Variants in RALGAPA1 observed in about 807,000 individuals in gnomAD.
The protein encoded by RALGAPA1 is ral GTPase-activating protein subunit alpha-1.
In RALGAPA1, 52 loss-of-function variants were observed where a neutral mutation model predicts 269.6. The ratio of observed to expected loss-of-function variants is 0.19; its 90% CI spans 0.15 to 0.24. The LOEUF is 0.24. Ranked by LOEUF, RALGAPA1 falls within the 10% of genes least tolerant of loss-of-function variation. The pLI is 1.00. For synonymous variants in RALGAPA1, 817 were observed against 1,008.3 expected, an observed-to-expected ratio of 0.81 and a Z score of 3.60; for missense variants, 1,917 against 3,013.9, an observed-to-expected ratio of 0.64 and a Z score of 8.52.
At chr14:35,620,542 T>C (rs1246063685) in intron 35 of RALGAPA1, among the ~76,000 whole-genome samples, 3 of 152,000 alleles carry the variant, frequency 2.0e-5, no homozygotes, top group Non-Finnish European at 2.9e-5. Context: ...AAATAAAGGG[T>C]ATTCAATTAG....
Position 35,539,333 on chromosome 14 carries a change from G to T in RALGAPA1, c.*381C>A, listed in dbSNP as rs1414112917. ...CCCTGCCCTCAAAATATGGCAGCTT[G>T]GATTGTGGGAAAAAAAATGAAACAA... On this transcript the variant is annotated 3_prime_UTR_variant, in exon 42 of 42. Transcript: ENST00000680220. The T allele has an allele frequency of 1.0e-5, 6 of 580,690 alleles. No individual in the cohort carries two copies. Among genetic ancestry groups the T allele is most frequent in the Non-Finnish European group, 1.5e-5 (6 of 407,032 alleles). The allele number at this position is 580,690 out of a possible 1,614,324, so 36.0% of individuals were successfully genotyped here.
At position 35,750,473 on chromosome 14, in the gene RALGAPA1, G is replaced by A. The variant is rs1230172575; in HGVS notation, c.1011+9C>T. The A allele has an allele frequency of 6.2e-7, 1 of 1,610,066 alleles. No homozygotes were observed. The highest frequency in any genetic ancestry group is 1.1e-5 in the South Asian group (1 of 90,914). On this transcript the variant is annotated intron_variant, in intron 9 of 41. Coordinates refer to ENST00000680220, the MANE Select transcript of RALGAPA1 (RefSeq NM_001346249.2). ...TAACTTTAACAGGCCTGCCTCATTT[G>A]TGCATTACCTGAATATTCTTTGGCA...
chr14:35,594,317 C>T (rs989857160), intron 37 of RALGAPA1, among the ~76,000 whole-genome samples: 1 of 152,032 alleles, frequency 6.6e-6, no homozygotes, highest in African/African-American at 2.4e-5. Context: ...AGGTAACAGT[C>T]AACAAAACGA....
chr14:35,784,504 C>T (rs1169785368), intron 1 of RALGAPA1, among the ~76,000 whole-genome samples: 1 of 152,002 alleles, frequency 6.6e-6, no homozygotes, highest in East Asian at 1.9e-4. Flanking sequence ...TATGAGTTTC[C>T]GTTTCTTTTC....
At chr14:35,695,175 G>A (rs574182504) in intron 17 of RALGAPA1, among the ~76,000 whole-genome samples, 1 of 151,910 alleles carries the variant, frequency 6.6e-6, no homozygotes, top group Non-Finnish European at 1.5e-5. Context: ...CCAGGCTGCA[G>A]TAAGCTAGGA....
At chr14:35,801,143 A>T (rs1048729490) in intron 1 of RALGAPA1, among the ~76,000 whole-genome samples, 1 of 151,898 alleles carries the variant, frequency 6.6e-6, no homozygotes, top group Admixed American at 6.6e-5. Context: ...AATAAAAGCG[A>T]TAAGACTCTA....
intron 36 of RALGAPA1, among the ~76,000 whole-genome samples, chr14:35,598,680 A>G (rs1274938959): frequency 1.3e-5 from 2 of 152,120 alleles, no homozygotes; most frequent in Admixed American, 6.5e-5. Context: ...TTGGCCTCCC[A>G]AAGTGTTGGG....
Position 35,539,325 on chromosome 14 carries a change from G to C in RALGAPA1, c.*389C>G, listed in dbSNP as rs989867039. ...AAAACTCCCCCTGCCCTCAAAATAT[G>C]GCAGCTTGGATTGTGGGAAAAAAAA... On this transcript the variant is annotated 3_prime_UTR_variant, in exon 42 of 42. Transcript: ENST00000680220. The C allele has an allele frequency of 4.2e-6, 2 of 475,578 alleles. No individual in the cohort carries two copies. The highest frequency in any genetic ancestry group is 4.0e-5 in the African/African-American group (2 of 49,406). The allele number at this position is 475,578 out of a possible 1,614,324, so 29.5% of individuals were successfully genotyped here. A position where few individuals can be genotyped will look rare whatever the true frequency, so the allele number is the denominator to read the frequency against.
At chr14:35,669,225 T>C (rs2140216729) in intron 26 of RALGAPA1, among the ~76,000 whole-genome samples, 1 of 152,312 alleles carries the variant, frequency 6.6e-6, no homozygotes, top group Non-Finnish European at 1.5e-5. Flanking sequence ...TTACAAATCC[T>C]TATAAAATAA....
intron 37 of RALGAPA1, among the ~76,000 whole-genome samples, chr14:35,578,901 T>C (rs2057759916): frequency 6.6e-6 from 1 of 152,166 alleles, no homozygotes; most frequent in African/African-American, 2.4e-5. Flanking sequence ...AGAGACAAAG[T>C]CCTTGTTCTC....
chr14:35,631,727 T>C (rs7157512), intron 33 of RALGAPA1, among the ~76,000 whole-genome samples: 3,315 of 152,296 alleles, frequency 0.022, 120 homozygotes, highest in African/African-American at 0.075. Flanking sequence ...TCCATTTTTC[T>C]GTAAGAATTG....
chr14:35,759,664 C>T (rs2073524486), intron 6 of RALGAPA1, among the ~76,000 whole-genome samples: 1 of 150,824 alleles, frequency 6.6e-6, no homozygotes. Flanking sequence ...AATCCCAGCA[C>T]TTTGGGAGTC....
At chr14:35,739,040 CAAA>C (rs33977985) in intron 11 of RALGAPA1, among the ~76,000 whole-genome samples, 1,870 of 151,360 alleles carry the variant, frequency 0.012, 17 homozygotes, top group Non-Finnish European at 0.02. Flanking sequence ...AAATAAATGA[CAAA>C]AAAAAAAAGG....
chr14:35,766,308 G>A, intron 4 of RALGAPA1: 1 of 987,194 alleles, frequency 1.0e-6, no homozygotes, highest in Non-Finnish European at 1.6e-6. Flanking sequence ...TTCTACCACA[G>A]CACAGGATCC....
chr14:35,781,794 G>A (rs1469713383), intron 1 of RALGAPA1, among the ~76,000 whole-genome samples: 1 of 151,956 alleles, frequency 6.6e-6, no homozygotes, highest in Non-Finnish European at 1.5e-5. Flanking sequence ...TCATCCTAAA[G>A]ATACTCAAAA....
rs540666389 is a variant in RALGAPA1, at chr14:35,570,406, C to G, written c.7496+211G>C. On this transcript the variant is annotated intron_variant, in intron 39 of 41. Transcript: ENST00000680220. ...GTGCAGTGGCTCACACCTGTAATCT[C>G]AGCACTTTAGGAGGCTGACCAAGGT... 3.3e-5 allele frequency among the ~76,000 whole-genome samples: 5 copies of G among 152,168 alleles called. No homozygotes were observed. The South Asian group carries it at 1.0e-3, about 32-fold the overall frequency.
At chr14:35,686,260 G>A (rs2065920986) in intron 19 of RALGAPA1, among the ~76,000 whole-genome samples, 1 of 151,874 alleles carries the variant, frequency 6.6e-6, no homozygotes, top group African/African-American at 2.4e-5. Flanking sequence ...GACAAAAAAA[G>A]GGGAGACTAG....
At chr14:35,780,952 G>A (rs1012631250) in intron 1 of RALGAPA1, among the ~76,000 whole-genome samples, 2 of 152,076 alleles carry the variant, frequency 1.3e-5, no homozygotes, top group Non-Finnish European at 2.9e-5. Context: ...ATAGCCAGGT[G>A]TGGTCATACA....
At chr14:35,564,245 T>C (rs999876362) in intron 39 of RALGAPA1, 6 of 152,182 alleles carry the variant, frequency 3.9e-5, no homozygotes, top group Admixed American at 2.0e-4. Context: ...GGATAACCCA[T>C]ACTTATTGAT....
Sources: allele counts gnomAD v4.1 joint callset (sites outside exome capture counted in the v4.1 genomes callset), GRCh38; gene constraint gnomAD v4.1.1; transcripts MANE v1.5; gene names NCBI Gene and HGNC (gene_info 2026-07-23, HGNC 2026-07-21).